The following PPP1R16B variants were observed in gnomAD, a reference collection of about 807,000 sequenced individuals.
PPP1R16B encodes protein phosphatase 1 regulatory subunit 16B.
PPP1R16B carries 14 observed loss-of-function variants against 61.7 expected under a neutral mutation model. The ratio of observed to expected loss-of-function variants is 0.23; its 90% confidence interval spans 0.15 to 0.35. The LOEUF (loss-of-function observed/expected upper bound fraction) is 0.35. Ranked by LOEUF, PPP1R16B falls within the 10% of genes least tolerant of loss-of-function variation. PPP1R16B has a pLI of 1.00. For missense variants in PPP1R16B, 547 were observed against 752.5 expected, an observed-to-expected ratio of 0.73 and a Z score of 3.19; for synonymous variants, 266 against 305.3, an observed-to-expected ratio of 0.87 and a Z score of 1.34.
At chr20:38,887,719 C>G (rs1310166992) in intron 2 of PPP1R16B, among the ~76,000 whole-genome samples, 1 of 152,224 alleles carries the variant, frequency 6.6e-6, no homozygotes, top group Non-Finnish European at 1.5e-5. Flanking sequence ...GTCAGGACAG[C>G]GCCAAAGGAT....
chr20:38,819,997 C>T (rs1383790815), intron 1 of PPP1R16B, among the ~76,000 whole-genome samples: 2 of 152,160 alleles, frequency 1.3e-5, no homozygotes, highest in East Asian at 3.9e-4. Context: ...TTAGTTTTGC[C>T]TGTTGTTGAA....
intron 1 of PPP1R16B, among the ~76,000 whole-genome samples, chr20:38,826,137 C>T (rs968949433): frequency 2.0e-5 from 3 of 152,236 alleles, no homozygotes; most frequent in Admixed American, 1.3e-4. Flanking sequence ...GGAGTGTGTT[C>T]GGTAGCCACA....
chr20:38,827,328 G>GAC (rs1418973364), intron 1 of PPP1R16B, among the ~76,000 whole-genome samples: 9 of 152,206 alleles, frequency 5.9e-5, no homozygotes, highest in Non-Finnish European at 1.2e-4. Flanking sequence ...TTGTTCCACT[G>GAC]CTGGACATGA....
In PPP1R16B at chr20:38,805,743, C is replaced by A. The variant is rs984452931; in HGVS notation, c.-151C>A. On this transcript the variant is annotated 5_prime_UTR_variant, in exon 1 of 11. Coordinates refer to ENST00000299824, the MANE Select transcript of PPP1R16B (RefSeq NM_015568.4). Reference sequence around the variant, plus strand: ...GGAGCAGCTGCGGCTCGGGGACCCACAGACACAGCCGGGGTCGGGAGCCGC... The same window carrying A: ...GGAGCAGCTGCGGCTCGGGGACCCAAAGACACAGCCGGGGTCGGGAGCCGC... The A allele has an allele frequency of 6.6e-6, 1 of 152,262 alleles. No homozygotes were observed. The highest frequency in any genetic ancestry group is 2.4e-5 in the African/African-American group (1 of 41,460). The allele number at this position is 152,262 out of a possible 1,614,324, so 9.4% of individuals were successfully genotyped here. A position where few individuals can be genotyped will look rare whatever the true frequency, so the allele number is the denominator to read the frequency against.
rs905037959 is a variant in PPP1R16B at position 38,806,766 on chromosome 20, C to A, written c.-102+974C>A. On this transcript the variant is annotated intron_variant, in intron 1 of 10. Coordinates refer to ENST00000299824, the MANE Select transcript of PPP1R16B (RefSeq NM_015568.4). The surrounding 1 kb of genome is among the most constrained non-coding windows in gnomAD (Gnocchi z 4.5). ...CACTGGAGATGCTGATGATGCAGCT[C>A]CCAGCCCTTGGAGGATAATTGAGCC... Among the ~76,000 whole-genome samples the A allele has an allele frequency of 4.4e-4, 67 of 152,260 alleles. 2 individuals carry two copies. The highest frequency in any genetic ancestry group is 1.5e-3 in the African/African-American group (61 of 41,550).
chr20:38,906,168 GCAGTTGTTTTCAAAGAA>G (rs2085440232), intron 7 of PPP1R16B, 74 bp downstream of exon 7: 1 of 1,518,866 alleles, frequency 6.6e-7, no homozygotes. Flanking sequence ...TTTTGGGCTG[GCAGTTGTTTTCAAAGAA>G]CATAAGACTT....
rs1433116693 is a variant in PPP1R16B at position 38,919,025 on chromosome 20, C to T, written c.*359C>T. 14 of 169,422 alleles carry T rather than the reference C, an allele frequency of 8.3e-5. No homozygotes were observed. Among genetic ancestry groups the T allele is most frequent in the Middle Eastern group, 2.5e-3 (1 of 396 alleles). 10.5% of individuals were successfully genotyped at this position (169,422 alleles called of 1,614,324 possible). On this transcript the variant is annotated 3_prime_UTR_variant, in exon 11 of 11. Coordinates refer to ENST00000299824, the MANE Select transcript of PPP1R16B (RefSeq NM_015568.4). The stretch of plus-strand genomic sequence containing the variant: ...TAACACACACACACACACACATATA[C>T]ACACACACACAAGCTCGATCAGTGT...
At position 38,850,765 on chromosome 20, in the gene PPP1R16B, G is replaced by A. The variant is rs766177657; in HGVS notation, c.250+14590G>A. On this transcript the variant is annotated intron_variant, in intron 2 of 10. Transcript: ENST00000299824. Reference sequence around the variant, plus strand: ...GCAGATCACCTGAGGTCAGGAGTTCGAGACCAGCCTGGCCAACATGGTGAA... The same window carrying A: ...GCAGATCACCTGAGGTCAGGAGTTCAAGACCAGCCTGGCCAACATGGTGAA... Among the ~76,000 whole-genome samples the A allele has an allele frequency of 8.5e-5, 13 of 152,138 alleles. No individual in the cohort carries two copies. In the East Asian group the frequency reaches 9.7e-4, roughly 11 times the overall value.
chr20:38,905,676 A>C (rs77879134), intron 6 of PPP1R16B, among the ~76,000 whole-genome samples: 19,887 of 152,200 alleles, frequency 0.13, 1,383 homozygotes, highest in Middle Eastern at 0.19. Flanking sequence ...TGAACCTCAG[A>C]GACCCCTTCT....
intron 2 of PPP1R16B, among the ~76,000 whole-genome samples, chr20:38,858,738 A>T (rs376516555): frequency 3.9e-5 from 6 of 152,338 alleles, no homozygotes; most frequent in South Asian, 2.1e-4. Flanking sequence ...TGAAGCAAGT[A>T]GGGATGTAGA....
chr20:38,861,592 C>T (rs563312226), intron 2 of PPP1R16B, among the ~76,000 whole-genome samples: 4 of 152,134 alleles, frequency 2.6e-5, no homozygotes, highest in African/African-American at 7.2e-5. Context: ...CTTCTTCCCC[C>T]CCACCCTTCA....
At chr20:38,898,330 A>G (rs533981648) in intron 4 of PPP1R16B, among the ~76,000 whole-genome samples, 10 of 152,138 alleles carry the variant, frequency 6.6e-5, no homozygotes, top group African/African-American at 2.4e-4. Context: ...ACTCTATTCT[A>G]TTTTATTGGT....
At chr20:38,821,201 A>C (rs2084771524) in intron 1 of PPP1R16B, among the ~76,000 whole-genome samples, 1 of 152,206 alleles carries the variant, frequency 6.6e-6, no homozygotes, top group African/African-American at 2.4e-5. Context: ...CTGGGGAAAG[A>C]GATGTTGTAA....
Position 38,907,731 on chromosome 20 carries a change from C to G in PPP1R16B, c.899-75C>G. 1 of 1,549,210 alleles carries G rather than the reference C, an allele frequency of 6.5e-7. No homozygotes were observed. Among genetic ancestry groups the G allele is most frequent in the Non-Finnish European group, 8.8e-7 (1 of 1,132,200 alleles). On this transcript the variant is annotated intron_variant, in intron 8 of 10. Transcript: ENST00000299824. The surrounding 1 kb of genome is among the most constrained non-coding windows in gnomAD (Gnocchi z 4.5). ...TTTTCAGTGGGTTGGGGTGGCAGCTCCTCTGGTCTGGAGCACCCTCTTGCG... is the reference window on the plus strand; with the variant it reads ...TTTTCAGTGGGTTGGGGTGGCAGCTGCTCTGGTCTGGAGCACCCTCTTGCG...
At chr20:38,865,155 G>T in intron 2 of PPP1R16B, among the ~76,000 whole-genome samples, 1 of 152,142 alleles carries the variant, frequency 6.6e-6, no homozygotes, top group East Asian at 1.9e-4. Flanking sequence ...CCCGGTTGAG[G>T]GAACTGGAAG....
At chr20:38,897,186 G>A (rs1321511113) in intron 4 of PPP1R16B, among the ~76,000 whole-genome samples, 4 of 152,124 alleles carry the variant, frequency 2.6e-5, no homozygotes, top group Non-Finnish European at 2.9e-5. Context: ...ATTCAGCTGG[G>A]TGTGGTGGCT....
At chr20:38,878,177 A>G (rs1320815774) in intron 2 of PPP1R16B, among the ~76,000 whole-genome samples, 6 of 152,198 alleles carry the variant, frequency 3.9e-5, no homozygotes, top group African/African-American at 1.4e-4. Flanking sequence ...AGATACAAGT[A>G]GTGACTTCAA....
chr20:38,882,253 G>A (rs56201219), intron 2 of PPP1R16B, among the ~76,000 whole-genome samples: 15,418 of 152,198 alleles, frequency 0.1, 867 homozygotes, highest in Admixed American at 0.16. Context: ...CCTGCAGAGG[G>A]GGACAGTGTT....
chr20:38,842,868 T>C (rs908846757), intron 2 of PPP1R16B, among the ~76,000 whole-genome samples: 2 of 151,976 alleles, frequency 1.3e-5, no homozygotes, highest in African/African-American at 4.8e-5. Flanking sequence ...CAGAAACTTT[T>C]AGAAGTACAG....
Sources: gnomAD v4.1 joint callset for allele counts (sites outside exome capture counted in the v4.1 genomes callset) on GRCh38, gnomAD v4.1.1 for gene constraint, Gnocchi (gnomAD v3.1) non-coding constraint, MANE v1.5 for transcripts, NCBI Gene and HGNC (gene_info 2026-07-23, HGNC 2026-07-21) for gene names.